Variants in TRIM25 observed in about 807,000 individuals in gnomAD.
The protein encoded by TRIM25 is E3 ubiquitin/ISG15 ligase TRIM25.
A neutral mutation model predicts 65.2 loss-of-function variants in TRIM25; 45 were observed. That is an observed-to-expected ratio of 0.69 (90% confidence interval 0.54 to 0.89). The LOEUF is 0.89. Ranked by LOEUF, TRIM25 falls within the 40% of genes least tolerant of loss-of-function variation. The pLI, the probability that TRIM25 is intolerant of heterozygous loss-of-function variation, is 0.00. For synonymous variants in TRIM25, 321 were observed against 340.4 expected (o/e 0.94, Z 0.63); for missense variants, 714 against 803.7 (o/e 0.89, Z 1.35).
chr17:56,887,966 G>A lies in TRIM25; in HGVS notation c.*3734C>T, dbSNP rs1312460153. 6.6e-6 allele frequency: 1 copy of A among 152,250 alleles called. No individual in the cohort carries two copies. Among genetic ancestry groups the A allele is most frequent in the African/African-American group, 2.4e-5 (1 of 41,454 alleles). The allele number at this position is 152,250 out of a possible 1,614,324, so 9.4% of individuals were successfully genotyped here. ...CAAATCAGCTCCACAAGCCAAGGAA[G>A]ACACAGGGAAAGGTCTGGAAGGGTC... is the stretch of plus-strand genomic sequence containing the variant. On this transcript the variant is annotated 3_prime_UTR_variant, in exon 9 of 9. Coordinates refer to ENST00000316881, the MANE Select transcript of TRIM25 (RefSeq NM_005082.5).
At chr17:56,911,800 G>A (rs573430366) in intron 1 of TRIM25, among the ~76,000 whole-genome samples, 4 of 152,200 alleles carry the variant, frequency 2.6e-5, no homozygotes, top group Admixed American at 6.5e-5. Flanking sequence ...GCTGAGGCAA[G>A]TGGATCACCT....
In TRIM25 at chr17:56,895,570, C is replaced by T. The variant is rs140629949; in HGVS notation, c.1215G>A (p.Thr405=). 5.8e-5 allele frequency: 92 copies of T among 1,579,244 alleles called. No homozygotes were observed. Among genetic ancestry groups the T allele is most frequent in the Middle Eastern group, 1.7e-4 (1 of 5,904 alleles). The change falls in exon 7 of 9, where the codon ACG becomes ACA. Residue 405 remains threonine (T), a synonymous_variant. Coordinates refer to ENST00000316881, the MANE Select transcript of TRIM25 (RefSeq NM_005082.5). The part of the protein sequence containing the change: ...PVPALPSKLP[T]FGAPEQLVDL... ...CCACTAACTGTTCCGGGGCTCCAAA[C>T]GTGGGAAGCTTGCTGGGTAAGGCAG...
At chr17:56,908,380 C>G (rs1909560516) in intron 2 of TRIM25, 88 bp downstream of exon 2, 2 of 1,310,130 alleles carry the variant, frequency 1.5e-6, no homozygotes, top group Non-Finnish European at 1.1e-6. Context: ...CAACACCAGC[C>G]TTGTCATGGT....
intron 4 of TRIM25, among the ~76,000 whole-genome samples, chr17:56,900,268 T>A (rs922952734): frequency 6.6e-6 from 1 of 152,000 alleles, no homozygotes. Flanking sequence ...GTATCTATAG[T>A]CCTAGCTAGT....
Position 56,889,488 on chromosome 17 carries a change from T to A in TRIM25, c.*2212A>T. The A allele has an allele frequency of 2.9e-6, 1 of 342,446 alleles. No homozygotes were observed. The highest frequency in any genetic ancestry group is 5.2e-6 in the Non-Finnish European group (1 of 190,688). 21.2% of individuals were successfully genotyped at this position (342,446 alleles called of 1,614,324 possible). ...GTGTGGCGGCCCTGCAAGGCTAGGT[T>A]ATGTAAGGTCTCACCATTGCAAACA... On this transcript the variant is annotated 3_prime_UTR_variant, in exon 9 of 9. Coordinates refer to ENST00000316881, the MANE Select transcript of TRIM25 (RefSeq NM_005082.5).
At chr17:56,893,190 C>T (rs1363287223) in intron 8 of TRIM25, among the ~76,000 whole-genome samples, 1 of 150,014 alleles carries the variant, frequency 6.7e-6, no homozygotes, top group Non-Finnish European at 1.5e-5. Flanking sequence ...GGAGGCTAGA[C>T]TTTAACTGGT....
chr17:56,906,311 C>A lies in TRIM25; in HGVS notation c.694-1823G>T, dbSNP rs937584276. ...CAGATGCTGGAAGCATGCTCTTGGA[C>A]CTCTCAGGCTCCAGAACTTTGAGCC... is the stretch of plus-strand genomic sequence containing the variant. On this transcript the variant is annotated intron_variant, in intron 2 of 8. Coordinates refer to ENST00000316881, the MANE Select transcript of TRIM25 (RefSeq NM_005082.5). Among the ~76,000 whole-genome samples the A allele has an allele frequency of 2.0e-5, 3 of 151,134 alleles. No individual in the cohort carries two copies. The South Asian group carries it at 6.3e-4, about 32-fold the overall frequency.
chr17:56,897,370 A>G (rs923848030), intron 5 of TRIM25, among the ~76,000 whole-genome samples: 3 of 151,170 alleles, frequency 2.0e-5, no homozygotes, highest in African/African-American at 7.3e-5. Flanking sequence ...CTCTCCTATT[A>G]CCCTCTCCCT....
intron 2 of TRIM25, among the ~76,000 whole-genome samples, chr17:56,907,807 T>C (rs948044553): frequency 2.0e-5 from 3 of 152,304 alleles, no homozygotes; most frequent in African/African-American, 7.2e-5. Flanking sequence ...GATTCGATCA[T>C]CATAGATTAC....
chr17:56,911,931 C>T (rs188481458), intron 1 of TRIM25, among the ~76,000 whole-genome samples: 3 of 147,466 alleles, frequency 2.0e-5, no homozygotes, highest in African/African-American at 5.1e-5. Context: ...GAGCCAGGCA[C>T]GGTGGCACAC....
intron 2 of TRIM25, among the ~76,000 whole-genome samples, chr17:56,906,907 C>T (rs1047193570): frequency 6.6e-6 from 1 of 152,162 alleles, no homozygotes; most frequent in African/African-American, 2.4e-5. Context: ...TTCATCTGGG[C>T]GTGTGGCTAC....
chr17:56,906,586 C>G (rs1291233555), intron 2 of TRIM25, among the ~76,000 whole-genome samples: 9 of 152,096 alleles, frequency 5.9e-5, no homozygotes, highest in Non-Finnish European at 1.3e-4. Flanking sequence ...CTCTGCCTCC[C>G]GGGTTCAAGT....
At chr17:56,892,726 T>C (rs1909207363) in intron 8 of TRIM25, among the ~76,000 whole-genome samples, 1 of 152,186 alleles carries the variant, frequency 6.6e-6, no homozygotes, top group African/African-American at 2.4e-5. Context: ...CGTATGTCTG[T>C]CCATTCATCC....
At chr17:56,896,633 C>T (rs1909299744) in intron 5 of TRIM25, among the ~76,000 whole-genome samples, 1 of 150,270 alleles carries the variant, frequency 6.7e-6, no homozygotes, top group African/African-American at 2.4e-5. Context: ...CTTGCCACTG[C>T]ACTCCAGCCT....
At chr17:56,893,044 CAG>C (rs1196597673) in intron 8 of TRIM25, among the ~76,000 whole-genome samples, 2 of 152,184 alleles carry the variant, frequency 1.3e-5, no homozygotes, top group Non-Finnish European at 2.9e-5. Flanking sequence ...CTGTTCCAGA[CAG>C]AGGGAACAGT....
chr17:56,898,414 C>T lies in TRIM25; in HGVS notation c.1153+701G>A, dbSNP rs1407919516. On this transcript the variant is annotated intron_variant, in intron 5 of 8. Coordinates refer to ENST00000316881, the MANE Select transcript of TRIM25 (RefSeq NM_005082.5). ...TGTCCCCTCATCACTCAGAATCATC[C>T]TGTGGCCTCGATATCACTATTGTCC... Among the ~76,000 whole-genome samples, 3 of 152,322 alleles carry T rather than the reference C, an allele frequency of 2.0e-5. No individual in the cohort carries two copies. The East Asian group carries it at 5.8e-4, about 29-fold the overall frequency.
At chr17:56,899,955 T>C (rs1312518835) in intron 4 of TRIM25, among the ~76,000 whole-genome samples, 1 of 152,232 alleles carries the variant, frequency 6.6e-6, no homozygotes, top group African/African-American at 2.4e-5. Flanking sequence ...GGCTCACGCC[T>C]GTAATCCCAG....
At chr17:56,904,205 T>C (rs773840653) in intron 3 of TRIM25, 50 bp downstream of exon 3, 16 of 1,440,320 alleles carry the variant, frequency 1.1e-5, no homozygotes, top group Non-Finnish European at 1.3e-5. Flanking sequence ...CAGCATGACA[T>C]CAGGCAAAAA....
At chr17:56,904,093 G>C (rs1429373862) in intron 3 of TRIM25, among the ~76,000 whole-genome samples, 162 bp downstream of exon 3, 1 of 152,024 alleles carries the variant, frequency 6.6e-6, no homozygotes, top group Non-Finnish European at 1.5e-5. Context: ...CTACATTTGT[G>C]GTAAGTTGTT....
Sources: gnomAD v4.1 joint callset for allele counts (sites outside exome capture counted in the v4.1 genomes callset) on GRCh38, gnomAD v4.1.1 for gene constraint, MANE v1.5 for transcripts, NCBI Gene and HGNC (gene_info 2026-07-23, HGNC 2026-07-21) for gene names.